Variants in RIF1 observed in about 807,000 individuals in gnomAD.
RIF1 encodes replication timing regulatory factor 1.
RIF1 carries 45 observed loss-of-function variants against 247.1 expected under a neutral mutation model. The ratio of observed to expected loss-of-function variants is 0.18; its 90% CI spans 0.14 to 0.23. The LOEUF is 0.23. RIF1 is among the 10% of genes least tolerant of loss of function. RIF1 has a pLI of 1.00. For missense variants in RIF1, 2,967 were observed against 2,862.5 expected (o/e 1.04, Z -0.83); for synonymous variants, 1,087 against 978.8 (o/e 1.11, Z -2.06).
chr2:151,443,737 G>A, intron 18 of RIF1, 28 bp downstream of exon 18: 1 of 1,396,076 alleles, frequency 7.2e-7, no homozygotes, highest in Non-Finnish European at 9.4e-7. Flanking sequence ...TACGTATTTT[G>A]GATAATAGAC....
intron 22 of RIF1, 61 bp from the exon 23 acceptor site, chr2:151,456,517 G>C: frequency 1.2e-6 from 1 of 865,508 alleles, no homozygotes; most frequent in South Asian, 1.6e-5. Context: ...GGATTAGCTT[G>C]ATAGATAGTA....
At chr2:151,446,834 C>A (rs1693353876) in intron 20 of RIF1, among the ~76,000 whole-genome samples, 1 of 152,106 alleles carries the variant, frequency 6.6e-6, no homozygotes, top group African/African-American at 2.4e-5. Flanking sequence ...ATTAACACTT[C>A]AAGGGCCTTG....
intron 10 of RIF1, chr2:151,496,231 G>A: frequency 6.8e-7 from 1 of 1,477,594 alleles, no homozygotes; most frequent in East Asian, 2.4e-5. Flanking sequence ...CATAAAAGTA[G>A]TTTTTAAAAT....
At chr2:151,527,276 C>T in the RIF1 span, among the ~76,000 whole-genome samples, 3 of 152,252 alleles carry the variant, frequency 2.0e-5, no homozygotes, top group East Asian at 3.9e-4. Flanking sequence ...TCATTTGTGT[C>T]CAGGCCCAGC....
intron 16 of RIF1, among the ~76,000 whole-genome samples, chr2:151,442,249 ATT>A (rs1419653041): frequency 6.6e-6 from 1 of 151,246 alleles, no homozygotes; most frequent in African/African-American, 2.4e-5. Context: ...CTAATTTTGT[ATT>A]TTTATAGAGA....
chr2:151,464,221 G>T lies in RIF1; in HGVS notation c.4701G>T (p.Lys1567Asn). The T allele has an allele frequency of 5.0e-6, 8 of 1,613,664 alleles. No individual in the cohort carries two copies. Among genetic ancestry groups the T allele is most frequent in the Non-Finnish European group, 6.8e-6 (8 of 1,179,914 alleles). The change falls in exon 30 of 36, where the codon AAG becomes AAT. Residue 1567 changes from lysine (K) to asparagine (N), a missense_variant. Lys to Asn is a moderately conservative substitution (Grantham distance 94). Transcript: ENST00000444746. ...SEAKEEGSRK[K>N]RSGKWKNKSN... is the part of the protein sequence containing the mutation. ...CAAAAGAAGAAGGTTCTAGGAAGAA[G>T]AGATCTGGAAAATGGAAAAACAAAA... is the stretch of plus-strand genomic sequence containing the variant.
chr2:151,522,499 A>C, the RIF1 span, among the ~76,000 whole-genome samples: 1 of 152,230 alleles, frequency 6.6e-6, no homozygotes, highest in Non-Finnish European at 1.5e-5. Context: ...TCCATCTCTG[A>C]GTCTAGTCTA....
chr2:151,482,937 A>G (rs138142675), downstream of RIF1, among the ~76,000 whole-genome samples: 96 of 152,206 alleles, frequency 6.3e-4, no homozygotes, highest in East Asian at 0.017. Flanking sequence ...CCAATCTCCC[A>G]TCTTCATATG....
intron 31 of RIF1, 131 bp from the exon 32 acceptor site, chr2:151,468,343 T>A (rs148348284): frequency 1.6e-5 from 13 of 836,368 alleles, no homozygotes; most frequent in Non-Finnish European, 2.1e-5. Context: ...AAGTAATTGA[T>A]TAGGTAGTAG....
intron 9 of RIF1, chr2:151,492,394 A>C (rs772619527): frequency 6.2e-7 from 1 of 1,603,312 alleles, no homozygotes. Context: ...CACCGTTGAG[A>C]TGTGCCGTTG....
chr2:151,462,646 T>G (rs1426019235), intron 29 of RIF1, among the ~76,000 whole-genome samples, 180 bp downstream of exon 29: 1 of 108,056 alleles, frequency 9.3e-6, no homozygotes, highest in Non-Finnish European at 2.3e-5. Flanking sequence ...CAGACACTAG[T>G]CAGTGTGTGT....
intron 8 of RIF1, among the ~76,000 whole-genome samples, chr2:151,428,459 T>TA (rs1176874620): frequency 6.6e-6 from 1 of 152,216 alleles, no homozygotes; most frequent in Non-Finnish European, 1.5e-5. Flanking sequence ...ATTGATTTGA[T>TA]AAAGTTTGGG....
chr2:151,446,368 TA>T, intron 19 of RIF1, 57 bp from the exon 20 acceptor site: 7 of 1,450,776 alleles, frequency 4.8e-6, no homozygotes, highest in Non-Finnish European at 6.7e-6. Flanking sequence ...ATTGATTCTA[TA>T]AACTTTGATA....
intron 11 of RIF1, among the ~76,000 whole-genome samples, chr2:151,436,043 G>C (rs1183536441): frequency 6.6e-6 from 1 of 152,014 alleles, no homozygotes; most frequent in African/African-American, 2.4e-5. Context: ...GGCCAACACG[G>C]TGAAACCCAG....
intron 34 of RIF1, among the ~76,000 whole-genome samples, 188 bp downstream of exon 34, chr2:151,470,052 T>G (rs943395801): frequency 1.3e-5 from 2 of 152,030 alleles, no homozygotes; most frequent in African/African-American, 2.4e-5. Flanking sequence ...TTCATCCCCT[T>G]CTCTCTTTCA....
chr2:151,494,397 C>A (rs538132231), intron 9 of RIF1: 21 of 632,544 alleles, frequency 3.3e-5, no homozygotes, highest in Non-Finnish European at 5.3e-5. Context: ...TAGTATGTTT[C>A]CTAAGGAAGT....
intron 11 of RIF1, chr2:151,501,524 T>A: frequency 8.3e-7 from 1 of 1,205,812 alleles, no homozygotes; most frequent in East Asian, 2.8e-5. Flanking sequence ...CCTGGACCCA[T>A]CATTTTTTAG....
chr2:151,490,164 TCCC>T (rs2055111397), intron 9 of RIF1: 1 of 1,216,708 alleles, frequency 8.2e-7, no homozygotes, highest in East Asian at 2.3e-5. Context: ...GATGTCTTTT[TCCC>T]CCAACTTAGA....
rs937566534 is a variant in RIF1 at position 151,479,038 on chromosome 2, A to T, written c.*3967A>T. 1.3e-5 allele frequency: 2 copies of T among 152,168 alleles called. No individual in the cohort carries two copies. The highest frequency in any genetic ancestry group is 2.9e-5 in the Non-Finnish European group (2 of 68,036). 9.4% of individuals were successfully genotyped at this position (152,168 alleles called of 1,614,324 possible). On this transcript the variant is annotated 3_prime_UTR_variant, in exon 36 of 36. Coordinates refer to ENST00000444746, the MANE Select transcript of RIF1 (RefSeq NM_018151.5). ...CTTTGATGTGCATATGAACAAGTGG[A>T]TTCTGATTCAGTAGATCTGCATTGG...
Sources: gnomAD v4.1 joint callset for allele counts (sites outside exome capture counted in the v4.1 genomes callset) on GRCh38, gnomAD v4.1.1 for gene constraint, MANE v1.5 for transcripts, NCBI Gene and HGNC (gene_info 2026-07-23, HGNC 2026-07-21) for gene names.